The following AFF1 variants were observed in gnomAD, a reference collection of about 807,000 sequenced individuals.
AFF1 encodes the protein ALF transcription elongation factor 1.
AFF1 carries 48 observed loss-of-function variants against 121.7 expected under a neutral mutation model. That is an observed-to-expected ratio of 0.39 (90% CI 0.31 to 0.50). The LOEUF (loss-of-function observed/expected upper bound fraction) is 0.50, where lower values mean the gene tolerates loss of function less well. AFF1 is among the 20% of genes least tolerant of loss of function. AFF1 has a pLI of 0.76. For missense variants in AFF1, 1,523 were observed against 1,511.7 expected, an observed-to-expected ratio of 1.01 and a Z score of -0.12; for synonymous variants, 613 against 563.0, an observed-to-expected ratio of 1.09 and a Z score of -1.26.
In AFF1 at chr4:87,047,065, G is replaced by A. The variant is rs1730774611; in HGVS notation, c.530G>A (p.Gly177Asp). 1 of 1,614,158 alleles carries A rather than the reference G, an allele frequency of 6.2e-7. No individual in the cohort carries two copies. The highest frequency in any genetic ancestry group is 8.5e-7 in the Non-Finnish European group (1 of 1,180,028). The change falls in exon 4 of 21, where the codon GGC (glycine) becomes GAC (aspartate). Residue 177 changes from glycine to aspartate, a missense_variant. Physicochemically the swap from Gly to Asp is moderately conservative, Grantham distance 94. This residue lies in a region of AFF1 where 369 missense variants were observed against 367.2 expected (regional missense o/e 1.00). Coordinates refer to ENST00000395146, the MANE Select transcript of AFF1 (RefSeq NM_001166693.3). ...TQDRLGQEGF[G>D]SSHHKKGDRR... ...GATCGCCTTGGTCAGGAGGGGTTCG[G>A]CTCTAGTCATCACAAGAAAGGTGAC... is the stretch of plus-strand genomic sequence containing the variant.
intron 4 of AFF1, among the ~76,000 whole-genome samples, chr4:87,052,931 A>G (rs1410999971): frequency 6.6e-6 from 1 of 152,092 alleles, no homozygotes; most frequent in Non-Finnish European, 1.5e-5. Flanking sequence ...GTGGGATGAT[A>G]CTAGCTACCG....
chr4:87,073,888 A>G (rs1722384169), intron 4 of AFF1, among the ~76,000 whole-genome samples: 1 of 152,234 alleles, frequency 6.6e-6, no homozygotes, highest in Non-Finnish European at 1.5e-5. Flanking sequence ...AAATCCTGTC[A>G]TGGTTGACAA....
chr4:87,101,390 T>C (rs1254179720), intron 8 of AFF1, among the ~76,000 whole-genome samples: 3 of 152,124 alleles, frequency 2.0e-5, no homozygotes, highest in African/African-American at 4.8e-5. Flanking sequence ...CCTGTGCATA[T>C]AGTAAGACCT....
At chr4:86,989,298 G>A (rs1036333170) in intron 2 of AFF1, among the ~76,000 whole-genome samples, 1 of 152,098 alleles carries the variant, frequency 6.6e-6, no homozygotes, top group East Asian at 1.9e-4. Context: ...TCTGACAAAG[G>A]GCTAATATCC....
chr4:87,005,156 T>G (rs1312931353), intron 2 of AFF1, among the ~76,000 whole-genome samples: 2 of 152,206 alleles, frequency 1.3e-5, no homozygotes, highest in African/African-American at 4.8e-5. Context: ...TTTGTGTTTT[T>G]GGTAGAAATG....
At chr4:87,084,921 G>T (rs763164692) in intron 5 of AFF1, among the ~76,000 whole-genome samples, 6 of 152,196 alleles carry the variant, frequency 3.9e-5, no homozygotes, top group African/African-American at 1.4e-4. Flanking sequence ...ACCTCTTGGC[G>T]TTCTGTAGGT....
intron 15 of AFF1, 97 bp from the exon 16 acceptor site, chr4:87,127,546 G>C (rs1026497258): frequency 1.5e-5 from 17 of 1,102,766 alleles, no homozygotes; most frequent in Non-Finnish European, 2.2e-5. Flanking sequence ...TCCTCCCCTT[G>C]CTGTCCTCCC....
chr4:87,108,624 C>G (rs547759593), intron 11 of AFF1, among the ~76,000 whole-genome samples: 3 of 152,122 alleles, frequency 2.0e-5, no homozygotes, highest in African/African-American at 7.2e-5. Context: ...ATTTTCTTTT[C>G]CCTTCTTTTA....
intron 4 of AFF1, among the ~76,000 whole-genome samples, chr4:87,056,461 CT>C (rs1388780084): frequency 1.1e-4 from 16 of 152,134 alleles, no homozygotes; most frequent in African/African-American, 3.9e-4. Flanking sequence ...CAAGTATTTG[CT>C]GTTGCATTTT....
At chr4:87,009,935 T>G (rs185244819) in intron 2 of AFF1, among the ~76,000 whole-genome samples, 2 of 152,224 alleles carry the variant, frequency 1.3e-5, no homozygotes, top group Non-Finnish European at 2.9e-5. Context: ...TAGCTCAGTG[T>G]TTAAGCACAC....
chr4:86,945,319 C>CTTT (rs72025655), intron 1 of AFF1, among the ~76,000 whole-genome samples: 72 of 111,634 alleles, frequency 6.4e-4, no homozygotes, highest in Middle Eastern at 4.8e-3. Context: ...TTTTCTTTTC[C>CTTT]TTTTTTTTTT....
chr4:87,039,904 T>G (rs1228988975), intron 2 of AFF1, among the ~76,000 whole-genome samples: 1 of 152,060 alleles, frequency 6.6e-6, no homozygotes, highest in Admixed American at 6.6e-5. Flanking sequence ...TTATATTTAT[T>G]TATTTATTTA....
intron 7 of AFF1, among the ~76,000 whole-genome samples, chr4:87,094,298 T>A (rs1397627624): frequency 6.6e-6 from 1 of 152,220 alleles, no homozygotes; most frequent in Non-Finnish European, 1.5e-5. Flanking sequence ...AGTTAATTTA[T>A]GTATTGACTT....
intron 4 of AFF1, among the ~76,000 whole-genome samples, chr4:87,062,050 G>A (rs150678833): frequency 2.0e-5 from 3 of 152,044 alleles, no homozygotes; most frequent in Admixed American, 1.3e-4. Context: ...CTTTTTAGAC[G>A]GCTGTTCCCA....
chr4:87,118,540 G>A (rs1442625595), intron 12 of AFF1, among the ~76,000 whole-genome samples: 1 of 152,080 alleles, frequency 6.6e-6, no homozygotes, highest in Non-Finnish European at 1.5e-5. Flanking sequence ...TTAGAGACAG[G>A]GTCTCGCTCT....
At chr4:87,073,280 CAAAAAAAAAAAAAAAAAAAAAAAAA>C (rs55821662) in intron 4 of AFF1, among the ~76,000 whole-genome samples, 1 of 83,672 alleles carries the variant, frequency 1.2e-5, no homozygotes, top group Non-Finnish European at 2.2e-5. Context: ...GCATTAAAGC[CAAAAAAAAAAAAAAAAAAAAAAAAA>C]AAAAAAAAAG....
intron 2 of AFF1, among the ~76,000 whole-genome samples, chr4:87,011,325 T>A (rs1375077948): frequency 6.6e-6 from 1 of 152,166 alleles, no homozygotes; most frequent in Admixed American, 6.5e-5. Context: ...TGTCTAAAAT[T>A]AATGAAGCTT....
intron 1 of AFF1, chr4:86,936,391 C>T (rs1719995881): frequency 6.6e-6 from 1 of 152,226 alleles, no homozygotes; most frequent in Admixed American, 6.5e-5. Context: ...GAAACTGAAG[C>T]ACAGAAACGT....
chr4:87,087,022 T>C (rs1723809392), intron 5 of AFF1, among the ~76,000 whole-genome samples: 4 of 152,190 alleles, frequency 2.6e-5, no homozygotes, highest in Admixed American at 2.6e-4. Context: ...GGTCATGCAC[T>C]AGGGTCTAGA....
Sources: gnomAD v4.1 joint callset for allele counts (sites outside exome capture counted in the v4.1 genomes callset) on GRCh38, gnomAD v4.1.1 for gene constraint, gnomAD v4.1.1 regional missense constraint, MANE v1.5 for transcripts, NCBI Gene and HGNC (gene_info 2026-07-23, HGNC 2026-07-21) for gene names.